IQCH: variants seen among roughly 807,000 people sequenced by gnomAD.
IQCH encodes the protein IQ motif containing H.
Under a neutral mutation model 117.0 loss-of-function variants are expected in IQCH, and 98 were observed. That is an observed-to-expected ratio of 0.84 (90% CI 0.71 to 0.99). The LOEUF (loss-of-function observed/expected upper bound fraction) is 0.99. Ranked by LOEUF, IQCH falls within the 50% of genes least tolerant of loss-of-function variation. The pLI, the probability that IQCH is intolerant of heterozygous loss-of-function variation, is 0.00. For synonymous variants in IQCH, 412 were observed against 448.2 expected, an observed-to-expected ratio of 0.92 and a Z score of 1.02; for missense variants, 1,102 against 1,243.8, an observed-to-expected ratio of 0.89 and a Z score of 1.72.
chr15:67,378,159 A>G (rs1462230429), intron 10 of IQCH, among the ~76,000 whole-genome samples: 1 of 152,004 alleles, frequency 6.6e-6, no homozygotes, highest in Admixed American at 6.6e-5. Context: ...ACTCACCTAC[A>G]TTTGTGAACA....
At chr15:67,452,136 T>A (rs991694210) in intron 16 of IQCH, among the ~76,000 whole-genome samples, 10 of 152,172 alleles carry the variant, frequency 6.6e-5, no homozygotes, top group African/African-American at 2.4e-4. Context: ...GTGAGATGGG[T>A]TTCCTGAATA....
chr15:67,327,097 G>C (rs542021678), intron 4 of IQCH, among the ~76,000 whole-genome samples: 1 of 152,068 alleles, frequency 6.6e-6, no homozygotes, highest in Non-Finnish European at 1.5e-5. Context: ...ATGGAGGCTC[G>C]CTGTAGGAAA....
chr15:67,346,830 A>G (rs1240572806), intron 6 of IQCH, among the ~76,000 whole-genome samples: 1 of 152,208 alleles, frequency 6.6e-6, no homozygotes. Context: ...CCAATTTAAA[A>G]TAGTTAAAAT....
At chr15:67,273,097 G>GTC (rs531441084) in intron 3 of IQCH, among the ~76,000 whole-genome samples, 1 of 151,754 alleles carries the variant, frequency 6.6e-6, no homozygotes, top group Non-Finnish European at 1.5e-5. Context: ...TGGAGACAGG[G>GTC]TCTCTCTCTG....
Position 67,395,260 on chromosome 15 carries a change from T to A in IQCH, c.1633-31T>A. 1 of 1,595,544 alleles carries A rather than the reference T, an allele frequency of 6.3e-7. No homozygotes were observed. The highest frequency in any genetic ancestry group is 2.2e-5 in the East Asian group (1 of 44,578). On this transcript the variant is annotated intron_variant, in intron 12 of 20. Coordinates refer to ENST00000335894, the MANE Select transcript of IQCH (RefSeq NM_001031715.3). This position sits in a 1 kb window ranked among gnomAD's most constrained non-coding sequence, Gnocchi z 4.0. ...TGTATGGACTAGAAAAAAGGACACC[T>A]TTTAACAAGAATAATATGATCTTCC...
chr15:67,394,638 G>GACTA (rs1315752280), intron 12 of IQCH, among the ~76,000 whole-genome samples: 1 of 152,122 alleles, frequency 6.6e-6, no homozygotes, highest in Non-Finnish European at 1.5e-5. Flanking sequence ...GCTGAGCTGG[G>GACTA]ACTAACTAGT....
intron 2 of IQCH, among the ~76,000 whole-genome samples, chr15:67,262,746 G>A (rs909902833): frequency 7.9e-5 from 12 of 152,174 alleles, no homozygotes; most frequent in Middle Eastern, 3.4e-3. Context: ...TTAGCCAGGT[G>A]TGGTGGCATG....
Position 67,349,848 on chromosome 15 carries a change from G to A in IQCH, c.637+5657G>A, listed in dbSNP as rs181788182. On this transcript the variant is annotated intron_variant, in intron 6 of 20. Transcript: ENST00000335894. ...TAACATCATTAGTCATTAGAGAAAT[G>A]CAAATTAAAACCACAGTGGGATACC... 5.9e-5 allele frequency among the ~76,000 whole-genome samples: 9 copies of A among 152,250 alleles called. No homozygotes were observed. In the East Asian group the frequency reaches 1.5e-3, roughly 26 times the overall value.
intron 16 of IQCH, among the ~76,000 whole-genome samples, chr15:67,464,057 G>A (rs1199595178): frequency 6.6e-6 from 1 of 152,174 alleles, no homozygotes; most frequent in Admixed American, 6.5e-5. Flanking sequence ...TGGCCAGGCT[G>A]GTCTCAGGTG....
At chr15:67,293,679 T>C (rs1235180622) in intron 4 of IQCH, among the ~76,000 whole-genome samples, 3 of 152,008 alleles carry the variant, frequency 2.0e-5, no homozygotes. Flanking sequence ...AGCATGTTAG[T>C]TGGTGAGAGA....
chr15:67,274,915 G>C lies in IQCH; in HGVS notation c.270-4480G>C, dbSNP rs189819340. Reference sequence around the variant, plus strand: ...CGGATTTGTGTCAAATCTAATAAAGGATCAGAATGCTGCCTGTCCCAAATG... The same window carrying C: ...CGGATTTGTGTCAAATCTAATAAAGCATCAGAATGCTGCCTGTCCCAAATG... On this transcript the variant is annotated intron_variant, in intron 3 of 20. Coordinates refer to ENST00000335894, the MANE Select transcript of IQCH (RefSeq NM_001031715.3). Among the ~76,000 whole-genome samples, 50 of 152,254 alleles carry C rather than the reference G, an allele frequency of 3.3e-4. 1 individual carries two copies. Among genetic ancestry groups the C allele is most frequent in the Admixed American group, 3.3e-3 (50 of 15,296 alleles).
At chr15:67,258,910 T>C (rs1486614410) in intron 1 of IQCH, among the ~76,000 whole-genome samples, 1 of 152,214 alleles carries the variant, frequency 6.6e-6, no homozygotes, top group African/African-American at 2.4e-5. Flanking sequence ...ACTTTTTCTA[T>C]AGTATTTGTC....
rs971967050 is a variant in IQCH at position 67,443,219 on chromosome 15, C to T, written c.2505+21642C>T. On this transcript the variant is annotated intron_variant, in intron 16 of 20. Transcript: ENST00000335894. The surrounding 1 kb of genome is among the most constrained non-coding windows in gnomAD (Gnocchi z 5.0). ...GTGTTAACCAGGATGGTCTCGATCT[C>T]CTGAACTCGTCATCCACCCGCCTCG... Among the ~76,000 whole-genome samples, 1 of 152,172 alleles carries T rather than the reference C, an allele frequency of 6.6e-6. No homozygotes were observed. The highest frequency in any genetic ancestry group is 1.5e-5 in the Non-Finnish European group (1 of 68,034).
rs139758922 is a variant in IQCH at position 67,351,547 on chromosome 15, G to T, written c.638-5798G>T. Among the ~76,000 whole-genome samples, 6 of 152,240 alleles carry T rather than the reference G, an allele frequency of 3.9e-5. No individual in the cohort carries two copies. The East Asian group carries it at 1.2e-3, about 29-fold the overall frequency. On this transcript the variant is annotated intron_variant, in intron 6 of 20. Transcript: ENST00000335894. ...ATATGAGTGGAAATGTTGGTCATGGGGTAGGCGAACATTCAACTTTAGAAA... is the reference window on the plus strand; with the variant it reads ...ATATGAGTGGAAATGTTGGTCATGGTGTAGGCGAACATTCAACTTTAGAAA...
At chr15:67,336,924 G>A (rs1206370234) in intron 4 of IQCH, 51 bp from the exon 5 acceptor site, 19 of 1,590,218 alleles carry the variant, frequency 1.2e-5, no homozygotes, top group Non-Finnish European at 1.5e-5. Flanking sequence ...GAAGAAAACT[G>A]TTCACTGTGA....
chr15:67,340,559 T>TACA, intron 5 of IQCH, among the ~76,000 whole-genome samples: 1 of 151,752 alleles, frequency 6.6e-6, no homozygotes, highest in Non-Finnish European at 1.5e-5. Flanking sequence ...TAGTTATGTC[T>TACA]TAGTACAAAG....
In IQCH at chr15:67,500,701, G is replaced by C; in HGVS notation, c.3039G>C (p.Glu1013Asp). Reference protein sequence around the residue: ...TKENKMRFEEEQQSKDDKNLS... With the variant: ...TKENKMRFEEDQQSKDDKNLS... The stretch of plus-strand genomic sequence containing the variant: ...AAAACAAAATGAGATTTGAAGAGGA[G>C]CAACAGTCCAAAGATGATAAAAACC... Residue 1013 changes from glutamate (E) to aspartate (D), a missense_variant, in exon 21 of 21, where the codon GAG becomes GAC. Glu to Asp is a conservative substitution (Grantham distance 45, BLOSUM62 2). Around this residue, in one of 2 missense-constraint regions of IQCH, gnomAD observed 650 missense variants for 794.3 expected, o/e 0.82. Transcript: ENST00000335894. This position sits in a 1 kb window ranked among gnomAD's most constrained non-coding sequence, Gnocchi z 4.4. 2 of 1,603,348 alleles carry C rather than the reference G, an allele frequency of 1.2e-6. No homozygotes were observed. Among genetic ancestry groups the C allele is most frequent in the Non-Finnish European group, 1.7e-6 (2 of 1,172,768 alleles).
At chr15:67,452,543 A>G (rs2140993193) in intron 16 of IQCH, among the ~76,000 whole-genome samples, 1 of 152,216 alleles carries the variant, frequency 6.6e-6, no homozygotes, top group East Asian at 1.9e-4. Context: ...AAGAATGTTG[A>G]ATATTGGTCC....
At chr15:67,294,692 A>G (rs1966842532) in intron 4 of IQCH, among the ~76,000 whole-genome samples, 1 of 152,234 alleles carries the variant, frequency 6.6e-6, no homozygotes, top group African/African-American at 2.4e-5. Flanking sequence ...GAGAGAAAGG[A>G]ACTGGGCCCC....
Sources: gnomAD v4.1 joint callset for allele counts (sites outside exome capture counted in the v4.1 genomes callset) on GRCh38, gnomAD v4.1.1 for gene constraint, gnomAD v4.1.1 regional missense constraint, Gnocchi (gnomAD v3.1) non-coding constraint, MANE v1.5 for transcripts, NCBI Gene and HGNC (gene_info 2026-07-23, HGNC 2026-07-21) for gene names.